Variants in NCKAP5 observed in about 807,000 individuals in gnomAD.
The protein encoded by NCKAP5 is NCK associated protein 5, also known as nck-associated protein 5.
NCKAP5 carries 92 observed loss-of-function variants against 167.0 expected under a neutral mutation model. The observed-to-expected ratio is 0.55, with a 90% CI of 0.47 to 0.66. NCKAP5 has a LOEUF of 0.66. Among genes scored for constraint, NCKAP5 ranks in the 30% least tolerant of loss-of-function variants. NCKAP5 has a pLI of 0.00. For missense variants in NCKAP5, 2,378 were observed against 2,315.0 expected, an observed-to-expected ratio of 1.03 and a Z score of -0.56; for synonymous variants, 891 against 877.4, an observed-to-expected ratio of 1.02 and a Z score of -0.27.
chr2:133,147,022 C>T (rs1209586803), intron 5 of NCKAP5, among the ~76,000 whole-genome samples: 1 of 152,126 alleles, frequency 6.6e-6, no homozygotes. Flanking sequence ...ATTACAGTGA[C>T]ATAAGTCAAT....
chr2:133,540,813 G>A (rs951927331), intron 2 of NCKAP5, among the ~76,000 whole-genome samples: 1 of 151,048 alleles, frequency 6.6e-6, no homozygotes, highest in Admixed American at 6.6e-5. Flanking sequence ...GCATGCACCT[G>A]TAATTCCAGC....
chr2:133,373,141 C>G (rs1053907363), intron 3 of NCKAP5, among the ~76,000 whole-genome samples: 1 of 152,198 alleles, frequency 6.6e-6, no homozygotes, highest in Non-Finnish European at 1.5e-5. Context: ...CTCACTACAA[C>G]TTCTGCCTAC....
At chr2:132,718,289 T>C (rs1573977752) in intron 19 of NCKAP5, among the ~76,000 whole-genome samples, 1 of 152,250 alleles carries the variant, frequency 6.6e-6, no homozygotes, top group African/African-American at 2.4e-5. Flanking sequence ...TAGAATGTGC[T>C]ACCCATCTAC....
At chr2:132,794,261 TATAG>T (rs1413795689) in intron 12 of NCKAP5, among the ~76,000 whole-genome samples, 45 of 23,496 alleles carry the variant, frequency 1.9e-3, no homozygotes, top group East Asian at 4.2e-3. Context: ...TATATATATA[TATAG>T]AGAGAGAGAG....
intron 3 of NCKAP5, among the ~76,000 whole-genome samples, chr2:133,485,319 T>C (rs567009883): frequency 6.6e-6 from 1 of 152,252 alleles, no homozygotes; most frequent in South Asian, 2.1e-4. Flanking sequence ...TCTAATTCCC[T>C]AAAATGTGGA....
chr2:133,356,284 C>G (rs1684711460), intron 3 of NCKAP5, among the ~76,000 whole-genome samples: 1 of 152,182 alleles, frequency 6.6e-6, no homozygotes, highest in South Asian at 2.1e-4. Flanking sequence ...GTGTTTTTAA[C>G]AACCTCTCAG....
At chr2:133,218,864 C>T (rs997687387) in intron 4 of NCKAP5, among the ~76,000 whole-genome samples, 2 of 152,158 alleles carry the variant, frequency 1.3e-5, no homozygotes, top group Non-Finnish European at 2.9e-5. Context: ...CTGTAATGTG[C>T]TTCTCAAATC....
chr2:133,280,610 G>A (rs2089901883), intron 4 of NCKAP5, among the ~76,000 whole-genome samples: 1 of 152,136 alleles, frequency 6.6e-6, no homozygotes, highest in Non-Finnish European at 1.5e-5. Context: ...AATCAAATTT[G>A]TGATGACTTA....
At chr2:132,738,826 T>C (rs1002967613) in intron 16 of NCKAP5, among the ~76,000 whole-genome samples, 1 of 151,946 alleles carries the variant, frequency 6.6e-6, no homozygotes, top group Non-Finnish European at 1.5e-5. Context: ...CCAGACTCTT[T>C]TAAACAACAG....
chr2:132,982,311 G>A (rs2077165178), intron 7 of NCKAP5, among the ~76,000 whole-genome samples: 1 of 152,170 alleles, frequency 6.6e-6, no homozygotes, highest in Non-Finnish European at 1.5e-5. Flanking sequence ...AGAGGAAAGT[G>A]CAATTCCAGC....
At chr2:133,144,533 A>G (rs1193225331) in intron 5 of NCKAP5, among the ~76,000 whole-genome samples, 1 of 152,122 alleles carries the variant, frequency 6.6e-6, no homozygotes, top group Admixed American at 6.6e-5. Flanking sequence ...AACAAAAACA[A>G]TTTGAAACCT....
intron 6 of NCKAP5, among the ~76,000 whole-genome samples, chr2:133,065,997 A>C (rs150100856): frequency 1.6e-3 from 241 of 152,368 alleles, no homozygotes; most frequent in African/African-American, 5.6e-3. Context: ...ACACAGGTTC[A>C]AGCAAAATCT....
chr2:133,031,125 T>C (rs769676097), intron 6 of NCKAP5, among the ~76,000 whole-genome samples: 1 of 152,070 alleles, frequency 6.6e-6, no homozygotes, highest in African/African-American at 2.4e-5. Context: ...AAAAACACCT[T>C]CATAAGTACC....
intron 6 of NCKAP5, among the ~76,000 whole-genome samples, chr2:133,094,319 G>T (rs561339016): frequency 2.0e-5 from 3 of 152,118 alleles, no homozygotes; most frequent in Admixed American, 1.3e-4. Flanking sequence ...TCAGGGAGCC[G>T]GAGGGTTTGA....
chr2:133,384,233 A>G (rs934083893), intron 3 of NCKAP5, among the ~76,000 whole-genome samples: 1 of 152,190 alleles, frequency 6.6e-6, no homozygotes, highest in East Asian at 1.9e-4. Flanking sequence ...TAATTTTTGT[A>G]TAAAGTGTAA....
intron 4 of NCKAP5, among the ~76,000 whole-genome samples, chr2:133,298,620 C>A (rs1031534799): frequency 6.6e-6 from 1 of 152,086 alleles, no homozygotes; most frequent in Admixed American, 6.6e-5. Context: ...TATAATAATG[C>A]GTGTAAGATA....
At chr2:133,082,009 G>A (rs998723431) in intron 6 of NCKAP5, among the ~76,000 whole-genome samples, 4 of 152,060 alleles carry the variant, frequency 2.6e-5, no homozygotes, top group Admixed American at 1.3e-4. Context: ...TACTTGATAG[G>A]TGGTTTTTCG....
At chr2:133,568,483 C>G (rs1688726376), upstream of NCKAP5, 2 of 152,144 alleles carry the variant, frequency 1.3e-5, no homozygotes, top group Admixed American at 1.3e-4. Flanking sequence ...AATACAAGCT[C>G]CGTGGACAAA....
At chr2:132,922,665 T>C (rs1471829573) in intron 8 of NCKAP5, among the ~76,000 whole-genome samples, 3 of 152,180 alleles carry the variant, frequency 2.0e-5, no homozygotes, top group African/African-American at 4.8e-5. Flanking sequence ...ATGCATTATA[T>C]AATTTAATCC....
Sources: allele counts gnomAD v4.1 joint callset (sites outside exome capture counted in the v4.1 genomes callset), GRCh38; gene constraint gnomAD v4.1.1; transcripts MANE v1.5; gene names NCBI Gene and HGNC (gene_info 2026-07-23, HGNC 2026-07-21).